The following ZDHHC24 variants were observed in gnomAD, a reference collection of about 807,000 sequenced individuals.
ZDHHC24 encodes the protein zDHHC palmitoyltransferase 24, also known as probable palmitoyltransferase ZDHHC24.
In ZDHHC24, 17 loss-of-function variants were observed where a neutral mutation model predicts 23.2. That is an observed-to-expected ratio of 0.73 (90% CI 0.50 to 1.10). The LOEUF is 1.10. Ranked by LOEUF, ZDHHC24 falls within the 50% of genes least tolerant of loss-of-function variation. The pLI is 0.00. For missense variants in ZDHHC24, 366 were observed against 393.0 expected, an observed-to-expected ratio of 0.93 and a Z score of 0.58; for synonymous variants, 186 against 194.5, an observed-to-expected ratio of 0.96 and a Z score of 0.36.
At chr11:66,522,156 G>C (rs888644315) in intron 4 of ZDHHC24, among the ~76,000 whole-genome samples, 1 of 150,994 alleles carries the variant, frequency 6.6e-6, no homozygotes, top group Non-Finnish European at 1.5e-5. Context: ...GGTGGAGCTT[G>C]CAGTGAGCCG....
chr11:66,527,309 TC>T (rs1441555515), intron 3 of ZDHHC24, among the ~76,000 whole-genome samples: 2 of 152,156 alleles, frequency 1.3e-5, no homozygotes, highest in African/African-American at 4.8e-5. Flanking sequence ...CATTCATCGT[TC>T]GTTCATTCAT....
chr11:66,526,095 C>T (rs1209635083), intron 4 of ZDHHC24: 2 of 1,612,750 alleles, frequency 1.2e-6, no homozygotes. Context: ...AGATATTTCC[C>T]CAACTAAACT....
At chr11:66,530,082 T>G in intron 2 of ZDHHC24, 1 of 1,332,390 alleles carries the variant, frequency 7.5e-7, no homozygotes, top group Non-Finnish European at 1.0e-6. Context: ...CCCATCACCT[T>G]CCCGCAGACC....
At chr11:66,543,043 A>C (rs2134888980) in intron 2 of ZDHHC24, among the ~76,000 whole-genome samples, 1 of 152,242 alleles carries the variant, frequency 6.6e-6, no homozygotes, top group Middle Eastern at 3.4e-3. Context: ...GGAACCATGG[A>C]AAGGTCAGGA....
At chr11:66,523,772 A>C in intron 4 of ZDHHC24, 1 of 1,613,200 alleles carries the variant, frequency 6.2e-7, no homozygotes, top group South Asian at 1.1e-5. Context: ...CCTGACCATG[A>C]ACCTCCTGGA....
At chr11:66,530,095 G>C in intron 2 of ZDHHC24, 3 of 1,229,282 alleles carry the variant, frequency 2.4e-6, no homozygotes, top group Non-Finnish European at 3.4e-6. Context: ...CGCAGACCTG[G>C]GGACCGAGTC....
At chr11:66,532,351 G>C (rs1312674843), downstream of ZDHHC24, 74 of 426,392 alleles carry the variant, frequency 1.7e-4, no homozygotes, top group South Asian at 1.9e-3. Context: ...GTCAAAGTGA[G>C]CTGAGCAGGA....
downstream of ZDHHC24, chr11:66,532,621 T>C: frequency 6.5e-6 from 1 of 155,008 alleles, no homozygotes; most frequent in Non-Finnish European, 1.4e-5. Context: ...GAAACTTCTC[T>C]GAAATCTTAG....
At chr11:66,531,868 T>C, downstream of ZDHHC24, 2 of 1,591,920 alleles carry the variant, frequency 1.3e-6, no homozygotes, top group Middle Eastern at 1.7e-4. Flanking sequence ...AGTGGAGCCC[T>C]GTGGCCTGTC....
At chr11:66,530,927 C>A (rs1330681144), downstream of ZDHHC24, 1 of 1,614,126 alleles carries the variant, frequency 6.2e-7, no homozygotes, top group East Asian at 2.2e-5. Context: ...TAAGCTCACA[C>A]TTCACCTGCA....
chr11:66,536,453 G>A lies in ZDHHC24; in HGVS notation c.*3076C>T, dbSNP rs1433677350. 6.5e-6 allele frequency: 1 copy of A among 153,898 alleles called. No homozygotes were observed. The highest frequency in any genetic ancestry group is 1.5e-5 in the Non-Finnish European group (1 of 68,060). 9.5% of individuals were successfully genotyped at this position (153,898 alleles called of 1,614,324 possible). A position where few individuals can be genotyped will look rare whatever the true frequency, so the allele number is the denominator to read the frequency against. ...TGCCTGCAATCCCAGTTACTTGGGA[G>A]GCTAAGGCAGGAGAATCGCTTGAAC... On this transcript the variant is annotated 3_prime_UTR_variant, in exon 3 of 3. Transcript: ENST00000310442.
At position 66,543,719 on chromosome 11, in the gene ZDHHC24, G is replaced by A; in HGVS notation, c.544C>T (p.Leu182Phe). 6.3e-7 allele frequency: 1 copy of A among 1,590,796 alleles called. No homozygotes were observed. The highest frequency in any genetic ancestry group is 8.6e-7 in the Non-Finnish European group (1 of 1,168,910). The change falls in exon 2 of 3, where the codon CTC (leucine) becomes TTC (phenylalanine). Residue 182 changes from leucine to phenylalanine, a missense_variant. Leu to Phe is a conservative substitution (Grantham distance 22). Transcript: ENST00000310442. ...GGCTCCCCACCTGTGAGCAACATGA[G>A]CCAGGGAAGCAGGAGGAGGGCAGCC... ...HMAALLLLPWLMLLTGRVSLA... is the reference protein window; with the variant it reads ...HMAALLLLPWFMLLTGRVSLA...
rs1465194884 is a variant in ZDHHC24, at chr11:66,539,104, G to A, written c.*425C>T. 5.9e-6 allele frequency: 2 copies of A among 341,216 alleles called. No individual in the cohort carries two copies. The highest frequency in any genetic ancestry group is 2.2e-5 in the African/African-American group (1 of 45,154). 21.1% of individuals were successfully genotyped at this position (341,216 alleles called of 1,614,324 possible). A position where few individuals can be genotyped will look rare whatever the true frequency, so the allele number is the denominator to read the frequency against. Reference sequence around the variant, plus strand: ...AGTAGGACACTGCCTTGGCGTGCTGGTGCCCCACCCCCAACTCACCCAGGC... The same window carrying A: ...AGTAGGACACTGCCTTGGCGTGCTGATGCCCCACCCCCAACTCACCCAGGC... On this transcript the variant is annotated 3_prime_UTR_variant, in exon 3 of 3. Coordinates refer to ENST00000310442, the MANE Select transcript of ZDHHC24 (RefSeq NM_207340.3).
At chr11:66,531,128 G>A (rs1348538497), downstream of ZDHHC24, 18 of 1,514,014 alleles carry the variant, frequency 1.2e-5, no homozygotes, top group Middle Eastern at 1.8e-4. Context: ...CAGAGCGTGC[G>A]GGTGGCTGCC....
At chr11:66,528,968 CAAAAAAAAAAAA>C in intron 3 of ZDHHC24, 2 of 244,782 alleles carry the variant, frequency 8.2e-6, no homozygotes, top group Non-Finnish European at 9.9e-6. Context: ...AACTCTGTCT[CAAAAAAAAAAAA>C]AAAAAAAAAG....
chr11:66,522,076 G>T (rs1328912690), intron 4 of ZDHHC24, among the ~76,000 whole-genome samples: 10 of 151,052 alleles, frequency 6.6e-5, no homozygotes, highest in Non-Finnish European at 1.3e-4. Flanking sequence ...AATTAGCTGG[G>T]CATGGTGGTG....
At chr11:66,531,948 T>C, downstream of ZDHHC24, 2 of 1,586,590 alleles carry the variant, frequency 1.3e-6, no homozygotes, top group Non-Finnish European at 8.6e-7. Flanking sequence ...CACTCCTCCA[T>C]AGGTGCTGGT....
In ZDHHC24 at chr11:66,527,219, AAGAG is replaced by A. The variant is rs148236786; in HGVS notation, c.737-217_737-214del. Among the ~76,000 whole-genome samples, 550 of 151,832 alleles carry A rather than the reference AAGAG, an allele frequency of 3.6e-3. 2 individuals are homozygous for A. The highest frequency in any genetic ancestry group is 0.013 in the South Asian group (62 of 4,808). ...GATACTTCTTTCTCAAAAAAAAAAA[AAGAG>A]AGAGAGAGAAAGAGAAAAGTAGAAT... On this transcript the variant is annotated intron_variant, in intron 3 of 4. Coordinates refer to the ZDHHC24 transcript ENST00000526986.
intron 4 of ZDHHC24, among the ~76,000 whole-genome samples, chr11:66,522,443 G>T (rs1170153061): frequency 6.6e-6 from 1 of 151,292 alleles, no homozygotes; most frequent in African/African-American, 2.4e-5. Flanking sequence ...TGCCTCCTGG[G>T]TTCAAGCGAT....
Sources: gnomAD v4.1 joint callset for allele counts (sites outside exome capture counted in the v4.1 genomes callset) on GRCh38, gnomAD v4.1.1 for gene constraint, MANE v1.5 for transcripts, NCBI Gene and HGNC (gene_info 2026-07-23, HGNC 2026-07-21) for gene names.